Variants in LPGAT1 observed in about 807,000 individuals in gnomAD.
The protein encoded by LPGAT1 is lysophosphatidylglycerol acyltransferase 1.
A neutral mutation model predicts 47.5 loss-of-function variants in LPGAT1; 11 were observed. The ratio of observed to expected loss-of-function variants is 0.23; its 90% CI spans 0.15 to 0.38. The LOEUF is 0.38. LPGAT1 is among the 10% of genes least tolerant of loss of function. The probability of loss-of-function intolerance (pLI) is 1.00; values close to 1 mark genes in which losing one functional copy is unlikely to be tolerated. For missense variants in LPGAT1, 293 were observed against 439.0 expected (o/e 0.67, Z 2.97); for synonymous variants, 138 against 144.2 (o/e 0.96, Z 0.31).
intron 6 of LPGAT1, among the ~76,000 whole-genome samples, chr1:211,776,880 G>A (rs1430753751): frequency 4.0e-5 from 6 of 151,894 alleles, no homozygotes; most frequent in Non-Finnish European, 8.8e-5. Context: ...CCTACACTTT[G>A]GGCACCCACT....
chr1:211,757,352 A>G (rs895054800), intron 6 of LPGAT1, among the ~76,000 whole-genome samples: 3 of 152,062 alleles, frequency 2.0e-5, no homozygotes, highest in South Asian at 2.1e-4. Context: ...TAACTGCTGT[A>G]TGACTTACTT....
At position 211,749,871 on chromosome 1, in the gene LPGAT1, G is replaced by A. The variant is rs751401017; in HGVS notation, c.*28C>T. The A allele has an allele frequency of 3.0e-5, 49 of 1,609,770 alleles. No individual in the cohort carries two copies. Among genetic ancestry groups the A allele is most frequent in the East Asian group, 6.7e-5 (3 of 44,806 alleles). On this transcript the variant is annotated 3_prime_UTR_variant, in exon 8 of 8. Transcript: ENST00000366997. ...TATGAAAGAAAGTCTGAACTCCTAC[G>A]GTGACCTTGACAAGTCCACGTCAAT...
At chr1:211,779,138 A>T in intron 5 of LPGAT1, 94 bp from the exon 6 acceptor site, 1 of 980,672 alleles carries the variant, frequency 1.0e-6, no homozygotes, top group Non-Finnish European at 1.4e-6. Context: ...AAGATATATC[A>T]CTATACCTTT....
Position 211,752,747 on chromosome 1 carries a change from C to T in LPGAT1, c.855-1680G>A, listed in dbSNP as rs184881177. On this transcript the variant is annotated intron_variant, in intron 6 of 7. Coordinates refer to ENST00000366997, the MANE Select transcript of LPGAT1 (RefSeq NM_014873.3). ...TTTGTTAAGCTTCCCTAAACCTTTT[C>T]TATATAAACAACCCCAAACTTCTAC... 2.5e-3 allele frequency among the ~76,000 whole-genome samples: 378 copies of T among 152,308 alleles called. 2 individuals carry two copies. Among genetic ancestry groups the T allele is most frequent in the Admixed American group, 4.1e-3 (63 of 15,294 alleles).
chr1:211,768,610 C>T (rs544702610), intron 6 of LPGAT1, among the ~76,000 whole-genome samples: 7 of 152,152 alleles, frequency 4.6e-5, no homozygotes, highest in African/African-American at 9.7e-5. Context: ...ATTTCAGAGA[C>T]GTTAATATGT....
At position 211,749,835 on chromosome 1, in the gene LPGAT1, T is replaced by C. The variant is rs1657099909; in HGVS notation, c.*64A>G. ...TATATTCTGATTTGCACATGTAAAATAATGCACACTTATGAAAGAAAGTCT... is the reference window on the plus strand; with the variant it reads ...TATATTCTGATTTGCACATGTAAAACAATGCACACTTATGAAAGAAAGTCT... On this transcript the variant is annotated 3_prime_UTR_variant, in exon 8 of 8. Coordinates refer to ENST00000366997, the MANE Select transcript of LPGAT1 (RefSeq NM_014873.3). 6.6e-7 allele frequency: 1 copy of C among 1,509,504 alleles called. No individual in the cohort carries two copies. The allele number at this position is 1,509,504 out of a possible 1,614,324, so 93.5% of individuals were successfully genotyped here.
intron 6 of LPGAT1, among the ~76,000 whole-genome samples, chr1:211,759,031 A>G (rs1375951420): frequency 6.6e-6 from 1 of 152,162 alleles, no homozygotes; most frequent in Non-Finnish European, 1.5e-5. Context: ...CCAACCTTTC[A>G]ATCCTAGGAT....
At chr1:211,784,201 C>G (rs991319255) in intron 4 of LPGAT1, among the ~76,000 whole-genome samples, 2 of 152,046 alleles carry the variant, frequency 1.3e-5, no homozygotes. Context: ...ATGAGAAAAG[C>G]CTTATGCATG....
At chr1:211,766,142 A>T (rs1657903464) in intron 6 of LPGAT1, among the ~76,000 whole-genome samples, 1 of 152,094 alleles carries the variant, frequency 6.6e-6, no homozygotes, top group Non-Finnish European at 1.5e-5. Context: ...TTTGACTTGG[A>T]CCAGGACTTA....
At chr1:211,781,528 G>T (rs928567692) in intron 5 of LPGAT1, among the ~76,000 whole-genome samples, 2 of 152,118 alleles carry the variant, frequency 1.3e-5, no homozygotes, top group Non-Finnish European at 2.9e-5. Context: ...AATAGATGAT[G>T]AAAGATTAAG....
rs140402399 is a variant in LPGAT1 at position 211,768,885 on chromosome 1, C to A, written c.854+10033G>T. Among the ~76,000 whole-genome samples, 5 of 152,270 alleles carry A rather than the reference C, an allele frequency of 3.3e-5. No homozygotes were observed. In the East Asian group the frequency reaches 7.7e-4, roughly 23 times the overall value. On this transcript the variant is annotated intron_variant, in intron 6 of 7. Transcript: ENST00000366997. ...CATACAGATTTCCAAGGGAAGACTT[C>A]TCGTGGAGGAGGAAACAGTCAGTAG...
Position 211,830,083 on chromosome 1 carries a change from G to A in LPGAT1, c.-28+490C>T, listed in dbSNP as rs568163762. ...AGCAGGGGATGATGAAAGGGGCAGA[G>A]AAGAGGCGACCGCAGCGCGGGGAGC... On this transcript the variant is annotated intron_variant, in intron 1 of 7. Coordinates refer to ENST00000366997, the MANE Select transcript of LPGAT1 (RefSeq NM_014873.3). This position sits in a 1 kb window ranked among gnomAD's most constrained non-coding sequence, Gnocchi z 5.9. The A allele has an allele frequency of 3.6e-5, 35 of 972,988 alleles. No individual in the cohort carries two copies. The highest frequency in any genetic ancestry group is 4.2e-5 in the Non-Finnish European group (35 of 829,320). The allele number at this position is 972,988 out of a possible 1,614,324, so 60.3% of individuals were successfully genotyped here. A position where few individuals can be genotyped will look rare whatever the true frequency, so the allele number is the denominator to read the frequency against.
intron 6 of LPGAT1, among the ~76,000 whole-genome samples, chr1:211,753,610 T>A (rs964661341): frequency 1.2e-4 from 18 of 152,226 alleles, no homozygotes; most frequent in African/African-American, 3.1e-4. Context: ...ATAAGTTTTT[T>A]AAATTATAAT....
chr1:211,767,138 T>C (rs1286130019), intron 6 of LPGAT1, among the ~76,000 whole-genome samples: 1 of 152,076 alleles, frequency 6.6e-6, no homozygotes, highest in African/African-American at 2.4e-5. Context: ...ACTGAAAAGT[T>C]TTTTTCTTTT....
At position 211,779,014 on chromosome 1, in the gene LPGAT1, A is replaced by G; in HGVS notation, c.758T>C (p.Ile253Thr). Reference protein sequence around the residue: ...DSKSKGLQWIIDTTIAYPKAE... With the variant: ...DSKSKGLQWITDTTIAYPKAE... ...TTTGGGATAAGCTATCGTTGTATCT[A>G]TTATCCACTGGAGGCCTTTTGATTT... is the stretch of plus-strand genomic sequence containing the variant. Residue 253 changes from isoleucine to threonine, a missense_variant, in exon 6 of 8, where the codon ATA (isoleucine) becomes ACA (threonine). Ile to Thr is a moderately conservative substitution (Grantham distance 89). Transcript: ENST00000366997. 3 of 1,600,710 alleles carry G rather than the reference A, an allele frequency of 1.9e-6. No homozygotes were observed. Among genetic ancestry groups the G allele is most frequent in the African/African-American group, 1.3e-5 (1 of 74,278 alleles).
At chr1:211,791,055 AAT>A (rs1161879315) in intron 3 of LPGAT1, among the ~76,000 whole-genome samples, 1 of 152,194 alleles carries the variant, frequency 6.6e-6, no homozygotes, top group Non-Finnish European at 1.5e-5. Context: ...TATAAATGCA[AAT>A]ATATCTACAT....
At chr1:211,805,403 A>G (rs1036545525) in intron 2 of LPGAT1, among the ~76,000 whole-genome samples, 2 of 152,238 alleles carry the variant, frequency 1.3e-5, no homozygotes, top group Non-Finnish European at 2.9e-5. Flanking sequence ...CGGTACTAAA[A>G]GTGAAAGACA....
intron 2 of LPGAT1, among the ~76,000 whole-genome samples, chr1:211,814,694 A>G (rs1258686067): frequency 1.3e-5 from 2 of 152,140 alleles, no homozygotes; most frequent in Non-Finnish European, 2.9e-5. Flanking sequence ...AAAAAATGTA[A>G]AAAGTCTTCC....
At chr1:211,826,177 G>A (rs1003651512) in intron 2 of LPGAT1, among the ~76,000 whole-genome samples, 4 of 152,048 alleles carry the variant, frequency 2.6e-5, no homozygotes, top group African/African-American at 9.7e-5. Flanking sequence ...AAGTTCTTGG[G>A]CTTACTGGCC....
Sources: gnomAD v4.1 joint callset for allele counts (sites outside exome capture counted in the v4.1 genomes callset) on GRCh38, gnomAD v4.1.1 for gene constraint, Gnocchi (gnomAD v3.1) non-coding constraint, MANE v1.5 for transcripts, NCBI Gene and HGNC (gene_info 2026-07-23, HGNC 2026-07-21) for gene names.